CD36: variants seen among roughly 807,000 people sequenced by gnomAD.
The protein encoded by CD36 is platelet glycoprotein 4.
Under a neutral mutation model 55.2 loss-of-function variants are expected in CD36, and 119 were observed. The observed-to-expected ratio is 2.15, with a 90% CI of 1.86 to 2.51. The LOEUF (loss-of-function observed/expected upper bound fraction) is 2.51. CD36 is among the 30% of genes most tolerant of loss of function. The pLI, the probability that CD36 is intolerant of heterozygous loss-of-function variation, is 0.00. For missense variants in CD36, 819 were observed against 555.5 expected, an observed-to-expected ratio of 1.47 and a Z score of -4.77; for synonymous variants, 186 against 193.6, an observed-to-expected ratio of 0.96 and a Z score of 0.33.
intron 3 of CD36, among the ~76,000 whole-genome samples, chr7:80,648,439 T>G (rs1055061218): frequency 5.3e-5 from 8 of 152,152 alleles, no homozygotes; most frequent in Non-Finnish European, 1.2e-4. Context: ...GATGATTTAA[T>G]TTTTTTCTTT....
At chr7:80,666,623 A>G in intron 8 of CD36, 134 bp downstream of exon 8, 2 of 728,698 alleles carry the variant, frequency 2.7e-6, no homozygotes, top group Middle Eastern at 4.6e-4. Flanking sequence ...CAAAATTCAG[A>G]GTCACTATTT....
At chr7:80,675,400 C>A (rs1798120772) in intron 14 of CD36, among the ~76,000 whole-genome samples, 1 of 152,018 alleles carries the variant, frequency 6.6e-6, no homozygotes, top group African/African-American at 2.4e-5. Context: ...AAGTTATAAA[C>A]ATGTTTTGTA....
intron 9 of CD36, 163 bp downstream of exon 9, chr7:80,670,185 T>G: frequency 1.6e-6 from 1 of 615,676 alleles, no homozygotes; most frequent in Non-Finnish European, 2.9e-6. Flanking sequence ...ACAAATTTTT[T>G]TTTTTTTTGC....
chr7:80,610,462 G>A (rs1371155132), intron 1 of CD36, among the ~76,000 whole-genome samples: 1 of 152,166 alleles, frequency 6.6e-6, no homozygotes, highest in Non-Finnish European at 1.5e-5. Context: ...CTTCAGTGTA[G>A]TCGCTGAGGC....
intron 1 of CD36, among the ~76,000 whole-genome samples, chr7:80,627,559 T>C (rs547256647): frequency 1.7e-4 from 26 of 151,774 alleles, no homozygotes; most frequent in Admixed American, 3.3e-4. Context: ...CAAACTCTTA[T>C]CAAGGGATCA....
intron 1 of CD36, among the ~76,000 whole-genome samples, chr7:80,614,571 G>T (rs576482309): frequency 6.6e-6 from 1 of 152,082 alleles, no homozygotes; most frequent in South Asian, 2.1e-4. Context: ...TTTTTTTGCA[G>T]GGGTGCCCTC....
In CD36 at chr7:80,666,500, T is replaced by G. The variant is rs753405192; in HGVS notation, c.748+11T>G. ...TGATTAATGGTACAGGTAAGAATAT[T>G]TGTTTTGTGGTCATCACAGTTAATC... On this transcript the variant is annotated intron_variant, in intron 8 of 14. Transcript: ENST00000447544. 1 of 1,601,330 alleles carries G rather than the reference T, an allele frequency of 6.2e-7. No homozygotes were observed. Among genetic ancestry groups the G allele is most frequent in the Admixed American group, 1.7e-5 (1 of 60,000 alleles).
chr7:80,674,693 C>CT (rs1562830015), intron 14 of CD36, among the ~76,000 whole-genome samples: 1 of 152,048 alleles, frequency 6.6e-6, no homozygotes, highest in East Asian at 1.9e-4. Flanking sequence ...TCCATGCACT[C>CT]TTAAAGATGA....
At chr7:80,642,231 A>G (rs746773097) in intron 1 of CD36, among the ~76,000 whole-genome samples, 11 of 152,166 alleles carry the variant, frequency 7.2e-5, no homozygotes, top group Non-Finnish European at 1.6e-4. Context: ...TACAGTATCA[A>G]TATCTTGTCT....
In CD36 at chr7:80,669,986, G is replaced by T. The variant is rs776223582; in HGVS notation, c.782G>T (p.Ser261Ile). The T allele has an allele frequency of 6.4e-5, 103 of 1,612,394 alleles. No homozygotes were observed. The highest frequency in any genetic ancestry group is 2.0e-4 in the Admixed American group (12 of 59,988). Residue 261 changes from serine (S) to isoleucine (I), a missense_variant, in exon 9 of 15, where the codon AGC (serine) becomes ATC (isoleucine). Physicochemically the swap from Ser to Ile is moderately radical, Grantham distance 142 (BLOSUM62 -2). Transcript: ENST00000447544. ...TCATTTCCACCTTTTGTTGAGAAAA[G>T]CCAGGTATTGCAGTTCTTTTCTTCT... ...AASFPPFVEK[S>I]QVLQFFSSDI...
intron 8 of CD36, among the ~76,000 whole-genome samples, chr7:80,666,972 GAAAACA>G (rs2116775316): frequency 6.6e-6 from 1 of 152,222 alleles, no homozygotes; most frequent in South Asian, 2.1e-4. Flanking sequence ...GAATGAGAGA[GAAAACA>G]ATAACAAAGT....
intron 3 of CD36, among the ~76,000 whole-genome samples, chr7:80,651,932 A>G (rs1330913836): frequency 6.6e-6 from 1 of 152,178 alleles, no homozygotes; most frequent in Admixed American, 6.6e-5. Context: ...TTATGTTTGA[A>G]TTAATAGTCC....
chr7:80,651,407 A>C (rs1428709202), intron 3 of CD36, among the ~76,000 whole-genome samples: 1 of 152,154 alleles, frequency 6.6e-6, no homozygotes, highest in East Asian at 1.9e-4. Flanking sequence ...GGAAGAAAAA[A>C]ATAAAATTTA....
intron 1 of CD36, among the ~76,000 whole-genome samples, chr7:80,612,458 A>G (rs912208488): frequency 6.6e-6 from 1 of 152,246 alleles, no homozygotes; most frequent in Admixed American, 6.5e-5. Context: ...AATAACTCAA[A>G]GCTTCTTATG....
At chr7:80,635,180 T>G (rs146159464), upstream of CD36, among the ~76,000 whole-genome samples, 351 of 152,290 alleles carry the variant, frequency 2.3e-3, no homozygotes, top group Non-Finnish European at 3.3e-3. Flanking sequence ...TGTACACTTT[T>G]CTATAATTTT....
intron 3 of CD36, among the ~76,000 whole-genome samples, chr7:80,648,616 A>G (rs1223026306): frequency 6.6e-6 from 1 of 152,138 alleles, no homozygotes; most frequent in Admixed American, 6.6e-5. Context: ...AGAGAATAAT[A>G]TAATCTCATC....
chr7:80,651,753 C>CA (rs963086557), intron 3 of CD36, among the ~76,000 whole-genome samples: 3 of 151,872 alleles, frequency 2.0e-5, no homozygotes, highest in African/African-American at 7.3e-5. Flanking sequence ...ACGAATAATA[C>CA]AAAAAAATTA....
Position 80,664,441 on chromosome 7 carries a change from C to A in CD36, c.645C>A (p.Phe215Leu). ...NNTADGVYKVFNGKDNISKVA... is the reference protein window; with the variant it reads ...NNTADGVYKVLNGKDNISKVA... ...CTGCAGATGGAGTTTATAAAGTTTT[C>A]AATGGAAAAGATAACATAAGTAAAG... is the stretch of plus-strand genomic sequence containing the variant. Residue 215 changes from phenylalanine to leucine, a missense_variant, in exon 7 of 15, where the codon TTC becomes TTA. By Grantham distance (22) the Phe-to-Leu change is conservative. Transcript: ENST00000447544. The A allele has an allele frequency of 6.3e-7, 1 of 1,578,580 alleles. No individual in the cohort carries two copies. The highest frequency in any genetic ancestry group is 8.7e-7 in the Non-Finnish European group (1 of 1,148,044).
chr7:80,628,732 C>CGGTAGT (rs1302336648), intron 1 of CD36, among the ~76,000 whole-genome samples: 1 of 152,016 alleles, frequency 6.6e-6, no homozygotes, highest in African/African-American at 2.4e-5. Flanking sequence ...CATCTACCCA[C>CGGTAGT]GGTAGTCAGA....
Sources: gnomAD v4.1 joint callset for allele counts (sites outside exome capture counted in the v4.1 genomes callset) on GRCh38, gnomAD v4.1.1 for gene constraint, MANE v1.5 for transcripts, NCBI Gene and HGNC (gene_info 2026-07-23, HGNC 2026-07-21) for gene names.